TOM1L2: variants seen among roughly 807,000 people sequenced by gnomAD.
TOM1L2 encodes the protein TOM1-like protein 2.
In TOM1L2, 31 loss-of-function variants were observed where a neutral mutation model predicts 67.9. The ratio of observed to expected loss-of-function variants is 0.46; its 90% CI spans 0.34 to 0.62. The LOEUF (loss-of-function observed/expected upper bound fraction) is 0.62, where lower values mean the gene tolerates loss of function less well. Ranked by LOEUF, TOM1L2 falls within the 20% of genes least tolerant of loss-of-function variation. The pLI is 0.01. For synonymous variants in TOM1L2, 256 were observed against 254.0 expected (o/e 1.01, Z -0.07); for missense variants, 606 against 663.5 (o/e 0.91, Z 0.95).
chr17:17,894,180 G>C (rs2144229485), intron 3 of TOM1L2, among the ~76,000 whole-genome samples: 1 of 152,278 alleles, frequency 6.6e-6, no homozygotes, highest in African/African-American at 2.4e-5. Flanking sequence ...TAAGGCATTA[G>C]CCAATCGGAC....
intron 1 of TOM1L2, among the ~76,000 whole-genome samples, chr17:17,942,771 T>C (rs2040786844): frequency 6.6e-6 from 1 of 152,066 alleles, no homozygotes; most frequent in South Asian, 2.1e-4. Context: ...ATCAGCACGG[T>C]AGTTAGTATA....
At chr17:17,892,677 C>T (rs2038353194) in intron 4 of TOM1L2, among the ~76,000 whole-genome samples, 1 of 151,564 alleles carries the variant, frequency 6.6e-6, no homozygotes, top group South Asian at 2.1e-4. Flanking sequence ...GTGGTCTCTA[C>T]AACATGTCCA....
At chr17:17,911,816 T>C (rs1191685172) in intron 1 of TOM1L2, among the ~76,000 whole-genome samples, 1 of 147,530 alleles carries the variant, frequency 6.8e-6, no homozygotes, top group East Asian at 2.0e-4. Flanking sequence ...CCGCAGTGTT[T>C]GTGTCCCTGG....
intron 3 of TOM1L2, among the ~76,000 whole-genome samples, chr17:17,895,398 G>A (rs1010226809): frequency 6.6e-6 from 1 of 152,170 alleles, no homozygotes; most frequent in Non-Finnish European, 1.5e-5. Context: ...CAAGCAAGTG[G>A]GCTTTACCTG....
At chr17:17,860,640 C>T (rs1282404263) in intron 12 of TOM1L2, among the ~76,000 whole-genome samples, 4 of 152,198 alleles carry the variant, frequency 2.6e-5, no homozygotes, top group African/African-American at 9.7e-5. Flanking sequence ...AGCTGGGGGA[C>T]CCAGACAGGA....
Position 17,845,167 on chromosome 17 carries a change from T to A in TOM1L2, c.*2468A>T, listed in dbSNP as rs1191035739. The A allele has an allele frequency of 6.6e-6, 1 of 152,132 alleles. No individual in the cohort carries two copies. The highest frequency in any genetic ancestry group is 1.5e-5 in the Non-Finnish European group (1 of 67,984). 9.4% of individuals were successfully genotyped at this position (152,132 alleles called of 1,614,324 possible). ...AGCAAGAGCCCCCTCTGCCTACAGGTGGGGCAGGCTACCTCCGGATAGGAG... is the reference window on the plus strand; with the variant it reads ...AGCAAGAGCCCCCTCTGCCTACAGGAGGGGCAGGCTACCTCCGGATAGGAG... On this transcript the variant is annotated 3_prime_UTR_variant, in exon 15 of 15. Transcript: ENST00000379504.
At chr17:17,907,122 G>A (rs1452317193) in intron 2 of TOM1L2, among the ~76,000 whole-genome samples, 4 of 152,238 alleles carry the variant, frequency 2.6e-5, no homozygotes, top group Non-Finnish European at 4.4e-5. Flanking sequence ...CCAGGGAGGA[G>A]GGGAGGGACG....
At chr17:17,930,574 G>T (rs2040289435) in intron 1 of TOM1L2, among the ~76,000 whole-genome samples, 1 of 152,172 alleles carries the variant, frequency 6.6e-6, no homozygotes, top group Non-Finnish European at 1.5e-5. Context: ...CCATGAAAAT[G>T]TTTTGAAACA....
At chr17:17,860,670 G>A (rs953368749) in intron 12 of TOM1L2, among the ~76,000 whole-genome samples, 1 of 152,260 alleles carries the variant, frequency 6.6e-6, no homozygotes, top group Non-Finnish European at 1.5e-5. Flanking sequence ...GTTGTCGGCA[G>A]CTATTCCAAG....
At chr17:17,889,515 C>A (rs371810816) in intron 4 of TOM1L2, among the ~76,000 whole-genome samples, 6 of 152,292 alleles carry the variant, frequency 3.9e-5, no homozygotes, top group East Asian at 1.9e-4. Flanking sequence ...ATCCTCAGGG[C>A]AACCAAAGGG....
At chr17:17,914,225 G>A (rs1351061220) in intron 1 of TOM1L2, among the ~76,000 whole-genome samples, 1 of 152,170 alleles carries the variant, frequency 6.6e-6, no homozygotes, top group Admixed American at 6.5e-5. Flanking sequence ...CACTGCTGCA[G>A]GCTCCCAGCA....
intron 1 of TOM1L2, among the ~76,000 whole-genome samples, chr17:17,940,869 CAAG>C (rs2040705344): frequency 6.6e-6 from 1 of 152,244 alleles, no homozygotes; most frequent in Admixed American, 6.5e-5. Flanking sequence ...GGCTGGATCC[CAAG>C]AAAGCCAGAC....
intron 5 of TOM1L2, among the ~76,000 whole-genome samples, chr17:17,883,401 G>A (rs1430283014): frequency 2.0e-5 from 3 of 152,222 alleles, no homozygotes; most frequent in Admixed American, 6.5e-5. Context: ...AGCATAGCGC[G>A]TGGTCTGGAG....
chr17:17,879,216 G>A (rs914072869), intron 7 of TOM1L2, among the ~76,000 whole-genome samples: 1 of 152,098 alleles, frequency 6.6e-6, no homozygotes, highest in South Asian at 2.1e-4. Flanking sequence ...GATGTTGAGG[G>A]ACCAAAATAC....
intron 8 of TOM1L2, among the ~76,000 whole-genome samples, chr17:17,867,266 A>C (rs963017296): frequency 2.0e-5 from 3 of 151,850 alleles, no homozygotes; most frequent in African/African-American, 7.3e-5. Context: ...CAGACTCCCT[A>C]TTTCATAGGG....
In TOM1L2 at chr17:17,869,409, T is replaced by C. The variant is rs537305430; in HGVS notation, c.842A>G (p.Asn281Ser). The change falls in exon 8 of 15, where the codon AAT becomes AGT. Residue 281 changes from asparagine (N) to serine (S), a missense_variant. Asn to Ser is a conservative substitution (Grantham distance 46, BLOSUM62 1). This residue lies in a region of TOM1L2 where 543 missense variants were observed against 554.0 expected (regional missense o/e 0.98). Transcript: ENST00000379504. ...CAGCAGCTCCTCGGTGACCTCCTCA[T>C]TGGACACGCGGGAGATGAGCTCCAC... ...RIVELISRVS[N>S]EEVTEELLHV... 2.1e-5 allele frequency: 34 copies of C among 1,613,716 alleles called. No homozygotes were observed. In the East Asian group the frequency reaches 6.9e-4, roughly 33 times the overall value.
At chr17:17,970,517 T>C (rs906830693) in intron 1 of TOM1L2, among the ~76,000 whole-genome samples, 3 of 152,148 alleles carry the variant, frequency 2.0e-5, no homozygotes, top group Non-Finnish European at 4.4e-5. Flanking sequence ...AAATTAGTTT[T>C]TGGAGTGTGG....
At chr17:17,933,788 T>C (rs945759494) in intron 1 of TOM1L2, among the ~76,000 whole-genome samples, 5 of 152,378 alleles carry the variant, frequency 3.3e-5, no homozygotes, top group African/African-American at 1.2e-4. Flanking sequence ...TTTGCCTAAA[T>C]GGCCTTGCTC....
Position 17,952,282 on chromosome 17 carries a change from C to T in TOM1L2, c.52+19980G>A, listed in dbSNP as rs112983696. 8.3e-3 allele frequency among the ~76,000 whole-genome samples: 1,260 copies of T among 151,614 alleles called. 20 individuals carry two copies. Among genetic ancestry groups the T allele is most frequent in the African/African-American group, 0.029 (1,209 of 41,380 alleles). ...TACAAAAGAAACTTCATGGAACATG[C>T]GCCACACACTAAGCAGCTGATTACC... is the stretch of plus-strand genomic sequence containing the variant. On this transcript the variant is annotated intron_variant, in intron 1 of 14. Coordinates refer to ENST00000379504, the MANE Select transcript of TOM1L2 (RefSeq NM_001082968.2).
Sources: gnomAD v4.1 joint callset for allele counts (sites outside exome capture counted in the v4.1 genomes callset) on GRCh38, gnomAD v4.1.1 for gene constraint, gnomAD v4.1.1 regional missense constraint, MANE v1.5 for transcripts, NCBI Gene and HGNC (gene_info 2026-07-23, HGNC 2026-07-21) for gene names.